ARHGAP12: variants seen among roughly 807,000 people sequenced by gnomAD.
ARHGAP12 encodes the protein Rho GTPase activating protein 12, also known as rho GTPase-activating protein 12.
ARHGAP12 carries 64 observed loss-of-function variants against 108.6 expected under a neutral mutation model. The observed-to-expected ratio is 0.59, with a 90% confidence interval of 0.48 to 0.73. The LOEUF (loss-of-function observed/expected upper bound fraction) is 0.73, where lower values mean the gene tolerates loss of function less well. ARHGAP12 is among the 30% of genes least tolerant of loss of function. The pLI is 0.00. For synonymous variants in ARHGAP12, 312 were observed against 337.2 expected (o/e 0.93, Z 0.82); for missense variants, 940 against 1,005.9 (o/e 0.93, Z 0.89).
chr10:31,860,791 C>T (rs553185683), intron 4 of ARHGAP12, among the ~76,000 whole-genome samples: 12 of 152,244 alleles, frequency 7.9e-5, no homozygotes, highest in Admixed American at 2.6e-4. Context: ...TAAAAAATGT[C>T]ACTGGACAGC....
At chr10:31,855,827 C>A (rs1654877669) in intron 4 of ARHGAP12, among the ~76,000 whole-genome samples, 1 of 152,162 alleles carries the variant, frequency 6.6e-6, no homozygotes. Context: ...ATATGATGTT[C>A]TACCATGAAA....
chr10:31,866,100 C>T lies in ARHGAP12; in HGVS notation c.685-4442G>A, dbSNP rs139257570. On this transcript the variant is annotated intron_variant, in intron 3 of 19. Transcript: ENST00000344936. ...GCATAATAATTATTATTGCAATTAACATAACTAAAGAACCAGACTAAGTGA... is the reference window on the plus strand; with the variant it reads ...GCATAATAATTATTATTGCAATTAATATAACTAAAGAACCAGACTAAGTGA... Among the ~76,000 whole-genome samples the T allele has an allele frequency of 5.7e-3, 874 of 152,144 alleles. 3 individuals are homozygous for T. Among genetic ancestry groups the T allele is most frequent in the Non-Finnish European group, 8.4e-3 (569 of 68,004 alleles).
At chr10:31,927,037 C>A (rs905253767) in intron 1 of ARHGAP12, among the ~76,000 whole-genome samples, 3 of 152,198 alleles carry the variant, frequency 2.0e-5, no homozygotes, top group Non-Finnish European at 4.4e-5. Context: ...TATACATACA[C>A]ACATTATATT....
chr10:31,827,840 A>G (rs1405289729), intron 10 of ARHGAP12, among the ~76,000 whole-genome samples: 1 of 151,756 alleles, frequency 6.6e-6, no homozygotes, highest in Non-Finnish European at 1.5e-5. Flanking sequence ...AAGGAGGTTT[A>G]TTTTCTGTTT....
chr10:31,836,831 G>C (rs936524251), intron 9 of ARHGAP12, among the ~76,000 whole-genome samples: 1 of 152,146 alleles, frequency 6.6e-6, no homozygotes, highest in African/African-American at 2.4e-5. Context: ...CTCCATGGGA[G>C]GGCACAACAG....
intron 3 of ARHGAP12, among the ~76,000 whole-genome samples, chr10:31,862,409 G>T (rs1162625700): frequency 1.3e-5 from 2 of 152,040 alleles, no homozygotes; most frequent in Non-Finnish European, 2.9e-5. Context: ...CTCACTAGAT[G>T]TCAGTCAAGA....
rs555629338 is a variant in ARHGAP12 at position 31,806,519 on chromosome 10, T to C, written c.*1139A>G. 3.3e-5 allele frequency: 5 copies of C among 152,752 alleles called. No individual in the cohort carries two copies. The South Asian group carries it at 1.0e-3, about 32-fold the overall frequency. The allele number at this position is 152,752 out of a possible 1,614,324, so 9.5% of individuals were successfully genotyped here. A position where few individuals can be genotyped will look rare whatever the true frequency, so the allele number is the denominator to read the frequency against. ...ATCCAACATCCATCTAATTTACAGA[T>C]GGGTTTCCACTATTCATACTGGAAT... On this transcript the variant is annotated 3_prime_UTR_variant, in exon 20 of 20. Transcript: ENST00000344936.
chr10:31,909,676 G>T (rs1839271152), intron 2 of ARHGAP12, among the ~76,000 whole-genome samples: 1 of 152,126 alleles, frequency 6.6e-6, no homozygotes. Flanking sequence ...CAGGTGGATT[G>T]CTTGAGCCCA....
At position 31,819,724 on chromosome 10, in the gene ARHGAP12, CACT is replaced by C. The variant is rs1308119899; in HGVS notation, c.1632+660_1632+662del. 9.2e-5 allele frequency among the ~76,000 whole-genome samples: 14 copies of C among 152,234 alleles called. No individual in the cohort carries two copies. The East Asian group carries it at 2.7e-3, about 29-fold the overall frequency. ...CTGGCACCAATACTAGCCATGAGGTCACTTGAGACCATCCAGTTCCAATCAAGC... is the reference window on the plus strand; with the variant it reads ...CTGGCACCAATACTAGCCATGAGGTCTGAGACCATCCAGTTCCAATCAAGC... On this transcript the variant is annotated intron_variant, in intron 12 of 19. Transcript: ENST00000344936.
At position 31,810,559 on chromosome 10, in the gene ARHGAP12, C is replaced by A. The variant is rs1407459836; in HGVS notation, c.2050+90G>T. 1.4e-5 allele frequency: 13 copies of A among 914,640 alleles called. No homozygotes were observed. In the East Asian group the frequency reaches 3.3e-4, roughly 23 times the overall value. The allele number at this position is 914,640 out of a possible 1,614,324, so 56.7% of individuals were successfully genotyped here. A position where few individuals can be genotyped will look rare whatever the true frequency, so the allele number is the denominator to read the frequency against. On this transcript the variant is annotated intron_variant, in intron 16 of 19. Coordinates refer to ENST00000344936, the MANE Select transcript of ARHGAP12 (RefSeq NM_018287.7). ...ATAAGGAACTTCTGTTTGCATCACTCAAAATCATAAAAATTCTAGGAATTT... is the reference window on the plus strand; with the variant it reads ...ATAAGGAACTTCTGTTTGCATCACTAAAAATCATAAAAATTCTAGGAATTT...
intron 3 of ARHGAP12, among the ~76,000 whole-genome samples, chr10:31,878,909 T>C (rs1462219047): frequency 6.6e-6 from 1 of 152,264 alleles, no homozygotes; most frequent in Admixed American, 6.5e-5. Context: ...TGTTCTTCAT[T>C]CTTCCAAAGT....
chr10:31,906,966 C>A (rs1839157419), intron 3 of ARHGAP12, among the ~76,000 whole-genome samples: 1 of 152,160 alleles, frequency 6.6e-6, no homozygotes, highest in South Asian at 2.1e-4. Context: ...CTAAGACACA[C>A]AATGATAAAC....
intron 3 of ARHGAP12, among the ~76,000 whole-genome samples, chr10:31,883,659 CTGAG>C (rs1838071664): frequency 6.6e-6 from 1 of 151,950 alleles, no homozygotes. Flanking sequence ...CAACTTGAAA[CTGAG>C]TATTTTCATA....
chr10:31,823,991 C>T (rs1268029799), intron 11 of ARHGAP12, among the ~76,000 whole-genome samples: 2 of 151,982 alleles, frequency 1.3e-5, no homozygotes, highest in Non-Finnish European at 2.9e-5. Flanking sequence ...TTCAATAATC[C>T]CAATTCCAGA....
intron 9 of ARHGAP12, among the ~76,000 whole-genome samples, chr10:31,834,455 G>A (rs1444043391): frequency 6.6e-6 from 1 of 152,188 alleles, no homozygotes; most frequent in East Asian, 1.9e-4. Context: ...GCCCTCACCA[G>A]ACAGTGAATT....
intron 6 of ARHGAP12, 49 bp from the exon 7 acceptor site, chr10:31,843,635 G>T: frequency 6.6e-7 from 1 of 1,510,636 alleles, no homozygotes; most frequent in Non-Finnish European, 8.8e-7. Flanking sequence ...ATAAACAATA[G>T]AAATGAAAGT....
intron 6 of ARHGAP12, among the ~76,000 whole-genome samples, chr10:31,851,554 C>A (rs982508298): frequency 6.6e-6 from 1 of 152,158 alleles, no homozygotes; most frequent in African/African-American, 2.4e-5. Flanking sequence ...CTCAGACTCA[C>A]AAAGGTATTC....
chr10:31,815,120 CAA>C (rs57510581), intron 13 of ARHGAP12, among the ~76,000 whole-genome samples: 6,761 of 111,828 alleles, frequency 0.06, 509 homozygotes, highest in African/African-American at 0.21. Flanking sequence ...GACTCTGTCT[CAA>C]AAAAAAAAAA....
At chr10:31,901,915 A>ATAAGT (rs1838945125) in intron 3 of ARHGAP12, among the ~76,000 whole-genome samples, 12 of 152,134 alleles carry the variant, frequency 7.9e-5, no homozygotes, top group Non-Finnish European at 1.5e-5. Flanking sequence ...TCTCTTATAA[A>ATAAGT]GACATTTGTG....
Sources: allele counts gnomAD v4.1 joint callset (sites outside exome capture counted in the v4.1 genomes callset), GRCh38; gene constraint gnomAD v4.1.1; transcripts MANE v1.5; gene names NCBI Gene and HGNC (gene_info 2026-07-23, HGNC 2026-07-21).